Variants in LRRC28 observed in about 807,000 individuals in gnomAD.
The protein encoded by LRRC28 is leucine rich repeat containing 28.
A neutral mutation model predicts 45.7 loss-of-function variants in LRRC28; 39 were observed. That is an observed-to-expected ratio of 0.85 (90% CI 0.66 to 1.12). LRRC28 has a LOEUF of 1.12. Among genes scored for constraint, LRRC28 ranks in the 50% most tolerant of loss-of-function variants. The probability of loss-of-function intolerance (pLI) is 0.00; values close to 1 mark genes in which losing one functional copy is unlikely to be tolerated. For synonymous variants in LRRC28, 206 were observed against 178.8 expected, an observed-to-expected ratio of 1.15 and a Z score of -1.22; for missense variants, 435 against 438.5, an observed-to-expected ratio of 0.99 and a Z score of 0.07.
intron 2 of LRRC28, among the ~76,000 whole-genome samples, chr15:99,265,789 C>G (rs1046436779): frequency 6.6e-6 from 1 of 152,066 alleles, no homozygotes. Flanking sequence ...CTCTTTGGAC[C>G]TCAGTTCCTT....
chr15:99,360,977 CTTTTAA>C (rs993766651), intron 7 of LRRC28: 1 of 157,186 alleles, frequency 6.4e-6, no homozygotes, highest in African/African-American at 2.4e-5. Context: ...CTTTTTTTTT[CTTTTAA>C]TTTTGAGAGT....
chr15:99,338,805 C>A (rs528118209), intron 6 of LRRC28, among the ~76,000 whole-genome samples: 121 of 152,328 alleles, frequency 7.9e-4, no homozygotes, highest in African/African-American at 2.8e-3. Context: ...CATTAACAGT[C>A]TTTGAGTATG....
chr15:99,291,066 T>G (rs2082109975), intron 5 of LRRC28, among the ~76,000 whole-genome samples: 1 of 152,238 alleles, frequency 6.6e-6, no homozygotes, highest in African/African-American at 2.4e-5. Context: ...TGGTAGAATA[T>G]AGTCATTGCC....
At chr15:99,269,561 G>A (rs767844437) in intron 2 of LRRC28, among the ~76,000 whole-genome samples, 1 of 151,968 alleles carries the variant, frequency 6.6e-6, no homozygotes, top group Non-Finnish European at 1.5e-5. Context: ...CCGCCATCAC[G>A]CCCAGCTAAT....
intron 5 of LRRC28, among the ~76,000 whole-genome samples, chr15:99,307,279 G>C (rs1955220349): frequency 1.3e-5 from 2 of 152,180 alleles, no homozygotes; most frequent in Non-Finnish European, 2.9e-5. Flanking sequence ...TGGCTACAGT[G>C]CAGAACAAAG....
chr15:99,321,801 A>G (rs185493035), intron 5 of LRRC28, among the ~76,000 whole-genome samples: 2 of 152,352 alleles, frequency 1.3e-5, no homozygotes, highest in East Asian at 3.9e-4. Flanking sequence ...TATGGGGAAT[A>G]TAGCAGCAAA....
At chr15:99,308,334 G>A (rs1297935815) in intron 5 of LRRC28, among the ~76,000 whole-genome samples, 1 of 151,990 alleles carries the variant, frequency 6.6e-6, no homozygotes, top group East Asian at 1.9e-4. Context: ...TAAAAAAAAA[G>A]TCTGTTTCAA....
intron 9 of LRRC28, among the ~76,000 whole-genome samples, chr15:99,365,921 A>G (rs1957327898): frequency 6.6e-6 from 1 of 152,210 alleles, no homozygotes; most frequent in Non-Finnish European, 1.5e-5. Flanking sequence ...GGCATAGCAA[A>G]TTTTCACTTT....
chr15:99,302,654 C>T (rs1278482633), intron 5 of LRRC28, among the ~76,000 whole-genome samples: 1 of 152,128 alleles, frequency 6.6e-6, no homozygotes, highest in African/African-American at 2.4e-5. Flanking sequence ...GTTTAGGAAC[C>T]CTCAATACAA....
At chr15:99,349,244 TTCTGGAA>T (rs1597399082) in intron 6 of LRRC28, among the ~76,000 whole-genome samples, 1 of 152,172 alleles carries the variant, frequency 6.6e-6, no homozygotes, top group East Asian at 1.9e-4. Flanking sequence ...GGTTATTCTC[TTCTGGAA>T]TCTGCACACT....
intron 2 of LRRC28, among the ~76,000 whole-genome samples, chr15:99,266,471 TA>T (rs35838795): frequency 0.099 from 14,465 of 145,602 alleles, 934 homozygotes; most frequent in East Asian, 0.31. Flanking sequence ...AGACCTTGTC[TA>T]AAAAAAAAAA....
intron 5 of LRRC28, among the ~76,000 whole-genome samples, chr15:99,288,285 G>A (rs770743476): frequency 9.9e-5 from 15 of 150,854 alleles, no homozygotes; most frequent in Non-Finnish European, 1.6e-4. Context: ...TGAACTTTGC[G>A]TGATATAATC....
chr15:99,319,239 G>A (rs576143104), intron 5 of LRRC28, among the ~76,000 whole-genome samples: 5 of 152,048 alleles, frequency 3.3e-5, no homozygotes, highest in African/African-American at 4.8e-5. Context: ...ACTCCATTGT[G>A]CTAACTCAGT....
At chr15:99,325,288 G>A (rs1441313524) in intron 5 of LRRC28, among the ~76,000 whole-genome samples, 2 of 152,110 alleles carry the variant, frequency 1.3e-5, no homozygotes, top group Admixed American at 1.3e-4. Flanking sequence ...CTTGTATCTA[G>A]CAACCCTTTA....
chr15:99,389,580 A>C lies in LRRC28; in HGVS notation c.*3478A>C. 6.6e-6 allele frequency: 1 copy of C among 152,166 alleles called. No homozygotes were observed. Among genetic ancestry groups the C allele is most frequent in the East Asian group, 1.9e-4 (1 of 5,192 alleles). 9.4% of individuals were successfully genotyped at this position (152,166 alleles called of 1,614,324 possible). ...CAACACTAATGTTGCAACCTGATAA[A>C]ATTTGAGATGTAAATTCATTTCACA... is the stretch of plus-strand genomic sequence containing the variant. On this transcript the variant is annotated 3_prime_UTR_variant, in exon 10 of 10. Coordinates refer to ENST00000301981, the MANE Select transcript of LRRC28 (RefSeq NM_144598.5).
chr15:99,257,666 C>T, intron 2 of LRRC28: 2 of 740,408 alleles, frequency 2.7e-6, no homozygotes, highest in South Asian at 1.4e-5. Context: ...TCTGCTGCGT[C>T]CTGCTGACCT....
At chr15:99,274,215 A>G (rs914646723) in intron 2 of LRRC28, among the ~76,000 whole-genome samples, 4 of 152,234 alleles carry the variant, frequency 2.6e-5, no homozygotes, top group Non-Finnish European at 4.4e-5. Context: ...TTCATATTCA[A>G]TGATACTTGG....
intron 2 of LRRC28, chr15:99,258,590 A>G (rs1474796405): frequency 1.3e-6 from 1 of 749,670 alleles, no homozygotes; most frequent in African/African-American, 1.7e-5. Flanking sequence ...CAAAGACTAA[A>G]AAAGTTGAAA....
At chr15:99,312,433 C>T (rs1237767593) in intron 5 of LRRC28, among the ~76,000 whole-genome samples, 2 of 152,170 alleles carry the variant, frequency 1.3e-5, no homozygotes, top group Non-Finnish European at 2.9e-5. Context: ...TCAGGGACAA[C>T]AGCATGTATG....
Sources: gnomAD v4.1 joint callset for allele counts (sites outside exome capture counted in the v4.1 genomes callset) on GRCh38, gnomAD v4.1.1 for gene constraint, MANE v1.5 for transcripts, NCBI Gene and HGNC (gene_info 2026-07-23, HGNC 2026-07-21) for gene names.